Variants in DMD observed in about 807,000 individuals in gnomAD.
DMD encodes dystrophin.
DMD carries 63 observed loss-of-function variants against 330.1 expected under a neutral mutation model. The observed-to-expected ratio is 0.19, with a 90% CI of 0.16 to 0.24. The LOEUF (loss-of-function observed/expected upper bound fraction) is 0.24, where lower values mean the gene tolerates loss of function less well. Ranked by LOEUF, DMD falls within the 10% of genes least tolerant of loss-of-function variation. The pLI is 1.00. For missense variants in DMD, 3,344 were observed against 2,684.1 expected (o/e 1.25, Z -5.43); for synonymous variants, 1,223 against 959.8 (o/e 1.27, Z -5.07).
intron 1 of DMD, among the ~76,000 whole-genome samples, chrX:33,272,260 G>A (rs2053170138): frequency 1.8e-5 from 2 of 112,157 alleles, no homozygotes; most frequent in South Asian, 3.7e-4. Context: ...TAGAATTTGT[G>A]TTCTAAATTC....
intron 57 of DMD, among the ~76,000 whole-genome samples, chrX:31,482,237 G>GT (rs200268849): frequency 0.054 from 5,108 of 94,052 alleles, 319 homozygotes; most frequent in African/African-American, 0.19. Context: ...GTGTGTGTGT[G>GT]GGGGGGGTGT....
intron 44 of DMD, among the ~76,000 whole-genome samples, chrX:32,194,649 C>G (rs752203686): frequency 3.6e-5 from 4 of 110,911 alleles, no homozygotes; most frequent in Non-Finnish European, 7.6e-5. Context: ...GAAAGAAGCA[C>G]CTAGCTACAC....
At chrX:31,740,295 A>G (rs2087222022) in intron 51 of DMD, among the ~76,000 whole-genome samples, 1 of 112,312 alleles carries the variant, frequency 8.9e-6, no homozygotes. Context: ...TGTTCTATAA[A>G]TTTGGCATAT....
At chrX:31,673,258 T>C (rs1353839103) in intron 53 of DMD, among the ~76,000 whole-genome samples, 1 of 112,294 alleles carries the variant, frequency 8.9e-6, no homozygotes, top group Non-Finnish European at 1.9e-5. Context: ...TTTGCCATTT[T>C]TATTGAGAGT....
chrX:31,251,962 T>C, intron 63 of DMD, among the ~76,000 whole-genome samples: 1 of 112,500 alleles, frequency 8.9e-6, no homozygotes, highest in Non-Finnish European at 1.9e-5. Flanking sequence ...GGAACAATTC[T>C]TTTTGAGTTT....
intron 62 of DMD, among the ~76,000 whole-genome samples, chrX:31,270,966 T>G (rs1225484032): frequency 2.7e-5 from 3 of 111,831 alleles, no homozygotes; most frequent in Non-Finnish European, 5.6e-5. Context: ...GCAATAGTCC[T>G]CAAGCTTGGC....
At chrX:32,085,225 C>G (rs2096422119) in intron 44 of DMD, among the ~76,000 whole-genome samples, 1 of 111,103 alleles carries the variant, frequency 9.0e-6, no homozygotes, top group Non-Finnish European at 1.9e-5. Context: ...TATATACACA[C>G]ACACAAACAC....
At chrX:31,573,779 A>G (rs756794215) in intron 55 of DMD, among the ~76,000 whole-genome samples, 81 of 111,425 alleles carry the variant, frequency 7.3e-4, no homozygotes, top group Non-Finnish European at 1.4e-3. Context: ...TAAGAGATAG[A>G]AGGCCCTTTA....
chrX:32,894,922 G>A (rs1017255247), intron 2 of DMD, among the ~76,000 whole-genome samples: 5 of 112,063 alleles, frequency 4.5e-5, no homozygotes, highest in Admixed American at 3.8e-4. Context: ...ACCATAGACT[G>A]GGCAGCTTAA....
intron 44 of DMD, among the ~76,000 whole-genome samples, chrX:31,993,773 A>G (rs1411607904): frequency 8.9e-6 from 1 of 112,128 alleles, no homozygotes; most frequent in Non-Finnish European, 1.9e-5. Flanking sequence ...GAAAAATGTA[A>G]CTGTGTCTCA....
intron 9 of DMD, among the ~76,000 whole-genome samples, chrX:32,689,119 T>C (rs2063090395): frequency 9.0e-6 from 1 of 111,394 alleles, no homozygotes; most frequent in Admixed American, 9.6e-5. Context: ...AAATGATGTA[T>C]TTTGGTTATA....
intron 29 of DMD, among the ~76,000 whole-genome samples, chrX:32,428,173 C>T (rs141157930): frequency 2.6e-3 from 286 of 110,892 alleles, no homozygotes; most frequent in African/African-American, 9.2e-3. Flanking sequence ...TCAGCCCTTC[C>T]GTCTCTTCTA....
At chrX:31,439,594 A>C (rs1234358603) in intron 60 of DMD, among the ~76,000 whole-genome samples, 1 of 112,253 alleles carries the variant, frequency 8.9e-6, no homozygotes, top group African/African-American at 3.2e-5. Context: ...TCAGATTTTA[A>C]AGGTGTTTGC....
At chrX:31,972,836 A>G (rs1221495704) in intron 44 of DMD, among the ~76,000 whole-genome samples, 2 of 111,479 alleles carry the variant, frequency 1.8e-5, no homozygotes, top group Non-Finnish European at 3.8e-5. Context: ...TTATGGTGCA[A>G]TTTCCTACAA....
chrX:31,188,223 T>A (rs747146406), intron 67 of DMD, among the ~76,000 whole-genome samples: 1 of 111,816 alleles, frequency 8.9e-6, no homozygotes, highest in Non-Finnish European at 1.9e-5. Flanking sequence ...CTACTCTGTA[T>A]CCTAGTGGTA....
intron 44 of DMD, among the ~76,000 whole-genome samples, chrX:32,171,535 C>A (rs936053591): frequency 9.0e-6 from 1 of 111,543 alleles, no homozygotes; most frequent in African/African-American, 3.3e-5. Context: ...ATGATTAAGT[C>A]ATGGACTAAT....
chrX:32,807,140 AAAAAAAAAAC>A (rs1217414666), intron 7 of DMD, among the ~76,000 whole-genome samples: 1 of 104,410 alleles, frequency 9.6e-6, no homozygotes, highest in African/African-American at 3.5e-5. Flanking sequence ...AAAAAAAAAA[AAAAAAAAAAC>A]ATCAACAAAT....
intron 11 of DMD, among the ~76,000 whole-genome samples, chrX:32,634,754 T>A (rs1221562205): frequency 1.8e-5 from 2 of 111,841 alleles, no homozygotes; most frequent in African/African-American, 6.5e-5. Flanking sequence ...CTCTTCTTCA[T>A]AAGCGGAAGG....
chrX:32,153,786 T>A (rs770936778), intron 44 of DMD, among the ~76,000 whole-genome samples: 1 of 111,812 alleles, frequency 8.9e-6, no homozygotes, highest in Non-Finnish European at 1.9e-5. Flanking sequence ...AACTTGAAGC[T>A]TTCTCTAGCC....
Sources: gnomAD v4.1 joint callset for allele counts (sites outside exome capture counted in the v4.1 genomes callset) on GRCh38, gnomAD v4.1.1 for gene constraint, MANE v1.5 for transcripts, NCBI Gene and HGNC (gene_info 2026-07-23, HGNC 2026-07-21) for gene names.